ROR1: variants seen among roughly 807,000 people sequenced by gnomAD.
ROR1 encodes the protein ROR family WNT receptor 1, also known as inactive tyrosine-protein kinase transmembrane receptor ROR1.
Under a neutral mutation model 78.8 loss-of-function variants are expected in ROR1, and 19 were observed. That is an observed-to-expected ratio of 0.24 (90% CI 0.17 to 0.35). The LOEUF (loss-of-function observed/expected upper bound fraction) is 0.35, where lower values mean the gene tolerates loss of function less well. ROR1 is among the 10% of genes least tolerant of loss of function. The probability of loss-of-function intolerance (pLI) is 1.00; values close to 1 mark genes in which losing one functional copy is unlikely to be tolerated. For synonymous variants in ROR1, 386 were observed against 433.6 expected (o/e 0.89, Z 1.36); for missense variants, 917 against 1,177.8 (o/e 0.78, Z 3.24).
chr1:64,116,454 C>A lies in ROR1; in HGVS notation c.483-20915C>A, dbSNP rs184904592. Among the ~76,000 whole-genome samples, 144 of 152,238 alleles carry A rather than the reference C, an allele frequency of 9.5e-4. 1 individual carries two copies. Among genetic ancestry groups the A allele is most frequent in the Admixed American group, 8.3e-3 (127 of 15,290 alleles). On this transcript the variant is annotated intron_variant, in intron 4 of 8. Transcript: ENST00000371079. ...CTTGGGAAAGCCACATAAAAGAATA[C>A]CCCTTTTTAAATGAGTATTACCTCA... is the stretch of plus-strand genomic sequence containing the variant.
intron 1 of ROR1, among the ~76,000 whole-genome samples, chr1:64,002,761 T>G (rs1429459462): frequency 6.6e-6 from 1 of 152,224 alleles, no homozygotes; most frequent in Non-Finnish European, 1.5e-5. Context: ...CCTCACCTTG[T>G]GCTGTGCCAT....
Position 64,005,545 on chromosome 1 carries a change from G to T in ROR1, c.92-3760G>T, listed in dbSNP as rs566719780. On this transcript the variant is annotated intron_variant, in intron 1 of 8. Transcript: ENST00000371079. ...CTCATGCTTTTGCCAGTGGTGAGGC[G>T]AATAGGAATCCATCAGTGGAGATCC... Among the ~76,000 whole-genome samples the T allele has an allele frequency of 9.9e-5, 15 of 152,274 alleles. No homozygotes were observed. In the East Asian group the frequency reaches 2.9e-3, roughly 29 times the overall value.
intron 4 of ROR1, among the ~76,000 whole-genome samples, chr1:64,060,512 A>G (rs992288033): frequency 3.9e-5 from 6 of 152,182 alleles, no homozygotes; most frequent in African/African-American, 1.4e-4. Context: ...AGTGTTAGCC[A>G]TAGTGAAGAA....
rs559852164 is a variant in ROR1, at chr1:63,781,995, A to C, written c.91+7487A>C. On this transcript the variant is annotated intron_variant, in intron 1 of 8. Transcript: ENST00000371079. ...GATAGATGTGGGGTTGGAAAGAATC[A>C]AGATGTCTCATCATGAACTATAGCG... 2.0e-5 allele frequency among the ~76,000 whole-genome samples: 3 copies of C among 152,294 alleles called. No individual in the cohort carries two copies. The South Asian group carries it at 6.2e-4, about 32-fold the overall frequency.
At chr1:64,028,584 A>G (rs1646634370) in intron 2 of ROR1, among the ~76,000 whole-genome samples, 1 of 152,198 alleles carries the variant, frequency 6.6e-6, no homozygotes, top group African/African-American at 2.4e-5. Flanking sequence ...TTGGCATTCT[A>G]GAAGATGCAA....
chr1:64,071,827 G>A (rs1557637917), intron 4 of ROR1, among the ~76,000 whole-genome samples: 1 of 152,190 alleles, frequency 6.6e-6, no homozygotes, highest in Non-Finnish European at 1.5e-5. Flanking sequence ...TGGAGAAGCA[G>A]GGTTCTGTGG....
chr1:63,938,839 A>G (rs1645814144), intron 1 of ROR1, among the ~76,000 whole-genome samples: 1 of 152,056 alleles, frequency 6.6e-6, no homozygotes, highest in Non-Finnish European at 1.5e-5. Flanking sequence ...CTACAACAAA[A>G]CAAAATAAAA....
intron 4 of ROR1, among the ~76,000 whole-genome samples, chr1:64,109,240 C>T (rs764366117): frequency 3.3e-5 from 5 of 152,066 alleles, no homozygotes; most frequent in Non-Finnish European, 5.9e-5. Context: ...AGATCAGCTC[C>T]GATGCACAAG....
At chr1:64,122,463 C>T (rs1173385408) in intron 4 of ROR1, among the ~76,000 whole-genome samples, 2 of 152,190 alleles carry the variant, frequency 1.3e-5, no homozygotes, top group Non-Finnish European at 2.9e-5. Flanking sequence ...GAGGCATCCA[C>T]TTATGTATTC....
intron 1 of ROR1, among the ~76,000 whole-genome samples, chr1:63,996,413 C>G (rs943645981): frequency 6.6e-6 from 1 of 152,130 alleles, no homozygotes; most frequent in African/African-American, 2.4e-5. Context: ...GAAACCCAGT[C>G]CAGACAGGCG....
chr1:63,957,745 GTTTT>G (rs111859772), intron 1 of ROR1, among the ~76,000 whole-genome samples: 1 of 136,570 alleles, frequency 7.3e-6, no homozygotes. Context: ...TTTGTTTTTT[GTTTT>G]TTTTTTTTTT....
At chr1:63,993,686 C>T (rs752925317) in intron 1 of ROR1, among the ~76,000 whole-genome samples, 6 of 152,130 alleles carry the variant, frequency 3.9e-5, no homozygotes, top group Non-Finnish European at 8.8e-5. Context: ...AAATACAGTG[C>T]ATACAGTTTC....
At chr1:63,990,239 T>C (rs1017230048) in intron 1 of ROR1, among the ~76,000 whole-genome samples, 5 of 152,158 alleles carry the variant, frequency 3.3e-5, no homozygotes, top group Non-Finnish European at 7.3e-5. Context: ...AGGGAATACC[T>C]AAAGACTTGC....
intron 1 of ROR1, among the ~76,000 whole-genome samples, chr1:63,971,255 G>C (rs1289180429): frequency 6.6e-6 from 1 of 152,052 alleles, no homozygotes; most frequent in Non-Finnish European, 1.5e-5. Context: ...AACCCCTTAG[G>C]CCTCACTTTC....
At chr1:63,843,236 C>A (rs1645060189) in intron 1 of ROR1, 2 of 1,509,128 alleles carry the variant, frequency 1.3e-6, no homozygotes, top group Admixed American at 3.4e-5. Context: ...TGCCCCCCAG[C>A]TTCTCTGCCA....
Position 64,049,898 on chromosome 1 carries a change from C to T in ROR1, c.371C>T (p.Thr124Ile). Residue 124 changes from threonine (T) to isoleucine (I), a missense_variant, in exon 3 of 9, where the codon ACA becomes ATA. This residue lies in a region of ROR1 where 835 missense variants were observed against 1,069.8 expected (regional missense o/e 0.78). Coordinates refer to ENST00000371079, the MANE Select transcript of ROR1 (RefSeq NM_005012.4). ...CTGCGGATTAGAAACCTCGACACCA[C>T]AGACACAGGCTACTTCCAGTGCGTG... ...SRLRIRNLDT[T>I]DTGYFQCVAT... The T allele has an allele frequency of 6.2e-7, 1 of 1,614,210 alleles. No individual in the cohort carries two copies. Among genetic ancestry groups the T allele is most frequent in the Non-Finnish European group, 8.5e-7 (1 of 1,180,024 alleles).
intron 1 of ROR1, among the ~76,000 whole-genome samples, chr1:64,008,931 C>T (rs1021000356): frequency 1.3e-5 from 2 of 152,120 alleles, no homozygotes; most frequent in Admixed American, 1.3e-4. Context: ...CTGTGCCCAG[C>T]GTGACTTTTT....
chr1:63,884,406 A>G (rs1048419629), intron 1 of ROR1, among the ~76,000 whole-genome samples: 7 of 152,142 alleles, frequency 4.6e-5, no homozygotes, highest in Non-Finnish European at 1.0e-4. Flanking sequence ...CCCCGGTGCC[A>G]TGATCTGAGG....
intron 1 of ROR1, among the ~76,000 whole-genome samples, chr1:63,853,917 C>T (rs1024739990): frequency 1.2e-4 from 19 of 152,228 alleles, no homozygotes; most frequent in Admixed American, 2.0e-4. Flanking sequence ...AAAAACCATA[C>T]GGTTTCATGT....
Sources: gnomAD v4.1 joint callset for allele counts (sites outside exome capture counted in the v4.1 genomes callset) on GRCh38, gnomAD v4.1.1 for gene constraint, gnomAD v4.1.1 regional missense constraint, MANE v1.5 for transcripts, NCBI Gene and HGNC (gene_info 2026-07-23, HGNC 2026-07-21) for gene names.